Variants in GRIN2A observed in about 807,000 individuals in gnomAD.
GRIN2A encodes the protein glutamate ionotropic receptor NMDA type subunit 2A.
GRIN2A carries 22 observed loss-of-function variants against 113.4 expected under a neutral mutation model. That is an observed-to-expected ratio of 0.19 (90% CI 0.14 to 0.28). GRIN2A has a LOEUF of 0.28. Ranked by LOEUF, GRIN2A falls within the 10% of genes least tolerant of loss-of-function variation. GRIN2A has a pLI of 1.00. For synonymous variants in GRIN2A, 827 were observed against 738.4 expected (o/e 1.12, Z -1.94); for missense variants, 1,502 against 1,887.0 (o/e 0.80, Z 3.78).
intron 2 of GRIN2A, among the ~76,000 whole-genome samples, chr16:9,984,428 T>C (rs1253868464): frequency 3.3e-5 from 5 of 152,228 alleles, no homozygotes; most frequent in Non-Finnish European, 7.3e-5. Context: ...AAAATCTTTT[T>C]GCAGACCAAT....
chr16:10,160,496 T>G (rs114165997), intron 2 of GRIN2A, among the ~76,000 whole-genome samples: 147 of 152,264 alleles, frequency 9.7e-4, no homozygotes, highest in African/African-American at 3.1e-3. Context: ...TGACAACACA[T>G]TCTAAGTAGG....
At chr16:9,893,645 T>G (rs2043744848) in intron 3 of GRIN2A, among the ~76,000 whole-genome samples, 1 of 152,128 alleles carries the variant, frequency 6.6e-6, no homozygotes, top group Admixed American at 6.5e-5. Context: ...TTTTGTATTT[T>G]TAGTAGATAC....
At chr16:9,941,391 C>T (rs1162918401) in intron 2 of GRIN2A, among the ~76,000 whole-genome samples, 3 of 152,242 alleles carry the variant, frequency 2.0e-5, no homozygotes, top group African/African-American at 7.2e-5. Flanking sequence ...GAAGGCATGG[C>T]TGCACTGTGA....
At chr16:9,897,221 A>ATATGTACATATTTTATATATAT (rs60188583) in intron 3 of GRIN2A, among the ~76,000 whole-genome samples, 36,632 of 149,070 alleles carry the variant, frequency 0.25, 4,817 homozygotes, top group African/African-American at 0.32. Context: ...TTATATATAT[A>ATATGTACATATTTTATATATAT]AAAAAATACA....
intron 12 of GRIN2A, among the ~76,000 whole-genome samples, chr16:9,768,421 A>AT (rs1036607103): frequency 1.4e-4 from 21 of 152,228 alleles, no homozygotes; most frequent in African/African-American, 5.1e-4. Context: ...ATCAGATGAC[A>AT]TTTTCTCTTT....
intron 2 of GRIN2A, among the ~76,000 whole-genome samples, chr16:10,127,085 C>G (rs2048955006): frequency 2.6e-5 from 4 of 152,222 alleles, no homozygotes; most frequent in Non-Finnish European, 4.4e-5. Flanking sequence ...CAACAGGGGC[C>G]AAGAATTTCT....
chr16:9,888,809 T>C lies in GRIN2A; in HGVS notation c.1122+2177A>G, dbSNP rs555860049. 4.6e-5 allele frequency among the ~76,000 whole-genome samples: 7 copies of C among 152,160 alleles called. No homozygotes were observed. In the South Asian group the frequency reaches 1.5e-3, roughly 32 times the overall value. ...CAGATTGAGGAATTTACCATCTTTATCATAACTGGATATTGAATTTTGTCA... is the reference window on the plus strand; with the variant it reads ...CAGATTGAGGAATTTACCATCTTTACCATAACTGGATATTGAATTTTGTCA... On this transcript the variant is annotated intron_variant, in intron 4 of 12. Transcript: ENST00000330684.
At chr16:9,949,924 C>G (rs1178748776) in intron 2 of GRIN2A, among the ~76,000 whole-genome samples, 1 of 152,064 alleles carries the variant, frequency 6.6e-6, no homozygotes, top group Non-Finnish European at 1.5e-5. Flanking sequence ...GCTGGATGAA[C>G]AGGGGGTGTG....
chr16:9,991,481 C>A lies in GRIN2A; in HGVS notation c.415-52930G>T, dbSNP rs997831336. Among the ~76,000 whole-genome samples, 3 of 152,286 alleles carry A rather than the reference C, an allele frequency of 2.0e-5. No individual in the cohort carries two copies. The East Asian group carries it at 5.8e-4, about 29-fold the overall frequency. On this transcript the variant is annotated intron_variant, in intron 2 of 12. Coordinates refer to ENST00000330684, the MANE Select transcript of GRIN2A (RefSeq NM_001134407.3). ...ATATTGTGTAGTGGTGAAGTCTTGGCTTTTAGTGTAGCTGTCACTCAAAAG... is the reference window on the plus strand; with the variant it reads ...ATATTGTGTAGTGGTGAAGTCTTGGATTTTAGTGTAGCTGTCACTCAAAAG...
chr16:10,103,002 T>C (rs1414224309), intron 2 of GRIN2A, among the ~76,000 whole-genome samples: 3 of 152,176 alleles, frequency 2.0e-5, no homozygotes, highest in Non-Finnish European at 2.9e-5. Context: ...CCATCCCCTA[T>C]GGTAGGCACT....
rs977249693 is a variant in GRIN2A, at chr16:9,760,142, C to A, written c.*3007G>T. 4.4e-6 allele frequency: 1 copy of A among 225,202 alleles called. No homozygotes were observed. 14.0% of individuals were successfully genotyped at this position (225,202 alleles called of 1,614,324 possible). ...AGAAATTTGGGCTCCTTGACATCAA[C>A]AAATCTAAGAACTCAGAGCTGGGAT... is the stretch of plus-strand genomic sequence containing the variant. On this transcript the variant is annotated 3_prime_UTR_variant, in exon 13 of 13. Coordinates refer to ENST00000330684, the MANE Select transcript of GRIN2A (RefSeq NM_001134407.3).
intron 4 of GRIN2A, among the ~76,000 whole-genome samples, chr16:9,858,351 C>T (rs144863538): frequency 3.0e-3 from 450 of 152,140 alleles, no homozygotes; most frequent in African/African-American, 8.6e-3. Context: ...ACTCCCTATA[C>T]GGAAGAGGAA....
chr16:9,898,908 C>T (rs999602247), intron 3 of GRIN2A, among the ~76,000 whole-genome samples: 28 of 151,592 alleles, frequency 1.8e-4, no homozygotes, highest in African/African-American at 5.8e-4. Flanking sequence ...CCCTCATGGG[C>T]GCAAATGAAT....
intron 4 of GRIN2A, among the ~76,000 whole-genome samples, chr16:9,874,656 A>G (rs1184011950): frequency 6.6e-6 from 1 of 152,206 alleles, no homozygotes; most frequent in East Asian, 1.9e-4. Flanking sequence ...AGCAGACCTG[A>G]GCTAGAATCT....
intron 2 of GRIN2A, among the ~76,000 whole-genome samples, chr16:10,058,275 A>G (rs2047489475): frequency 7.0e-6 from 1 of 142,544 alleles, no homozygotes; most frequent in South Asian, 2.1e-4. Context: ...AAAAACAAAA[A>G]AACCAAAAAA....
chr16:10,117,196 T>C (rs911535524), intron 2 of GRIN2A, among the ~76,000 whole-genome samples: 2 of 152,194 alleles, frequency 1.3e-5, no homozygotes, highest in African/African-American at 4.8e-5. Flanking sequence ...TTGGCTCCAA[T>C]TCTTGGCTCC....
At chr16:10,082,924 C>T (rs1311209516) in intron 2 of GRIN2A, among the ~76,000 whole-genome samples, 1 of 128,054 alleles carries the variant, frequency 7.8e-6, no homozygotes, top group Non-Finnish European at 1.7e-5. Context: ...CCTAACTGGC[C>T]CATTTTCTTT....
Position 9,763,317 on chromosome 16 carries a change from T to C in GRIN2A, c.4227A>G (p.Ala1409=), listed in dbSNP as rs765372126. The C allele has an allele frequency of 9.3e-6, 15 of 1,614,146 alleles. No individual in the cohort carries two copies. Among genetic ancestry groups the C allele is most frequent in the Admixed American group, 6.7e-5 (4 of 60,024 alleles). ...CCCGACTGTCCCTGGAACAGTACGA[T>C]GCCGTTGACCTCAAGGACGACCGAA... The part of the protein sequence containing the change: ...SYLRSSLRST[A]SYCSRDSRGH... The change falls in exon 13 of 13, where the codon GCA becomes GCG. Residue 1409 remains alanine (A), a synonymous_variant. Transcript: ENST00000330684.
At chr16:9,953,206 C>T (rs2045224091) in intron 2 of GRIN2A, among the ~76,000 whole-genome samples, 1 of 152,144 alleles carries the variant, frequency 6.6e-6, no homozygotes, top group African/African-American at 2.4e-5. Flanking sequence ...GAGGTACATT[C>T]AACTGGTCTT....
Sources: allele counts gnomAD v4.1 joint callset (sites outside exome capture counted in the v4.1 genomes callset), GRCh38; gene constraint gnomAD v4.1.1; transcripts MANE v1.5; gene names NCBI Gene and HGNC (gene_info 2026-07-23, HGNC 2026-07-21).